The following ABCB6 variants were observed in gnomAD, a reference collection of about 807,000 sequenced individuals.
ABCB6 encodes the protein ATP-binding cassette sub-family B member 6.
In ABCB6, 87 loss-of-function variants were observed where a neutral mutation model predicts 99.4. The ratio of observed to expected loss-of-function variants is 0.88; its 90% CI spans 0.74 to 1.05. The LOEUF is 1.05. Among genes scored for constraint, ABCB6 ranks in the 50% least tolerant of loss-of-function variants. The probability of loss-of-function intolerance (pLI) is 0.00; values close to 1 mark genes in which losing one functional copy is unlikely to be tolerated. For synonymous variants in ABCB6, 482 were observed against 447.5 expected (o/e 1.08, Z -0.97); for missense variants, 1,050 against 1,097.9 (o/e 0.96, Z 0.62).
chr2:219,210,830 A>G lies in ABCB6; in HGVS notation c.2144-7T>C, dbSNP rs1240364281. 3 of 1,613,760 alleles carry G rather than the reference A, an allele frequency of 1.9e-6. No homozygotes were observed. Among genetic ancestry groups the G allele is most frequent in the South Asian group, 1.1e-5 (1 of 91,038 alleles). ...CCCACCTGTGTCCTGTACCCTGTGG[A>G]TATTACCCACCACACGTTTCTTACG... is the stretch of plus-strand genomic sequence containing the variant. On this transcript the variant is annotated splice_region_variant and splice_polypyrimidine_tract_variant and intron_variant, in intron 15 of 18. Transcript: ENST00000265316.
At position 219,218,766 on chromosome 2, in the gene ABCB6, T is replaced by G; in HGVS notation, c.-93A>C. 1 of 1,359,210 alleles carries G rather than the reference T, an allele frequency of 7.4e-7. No homozygotes were observed. The highest frequency in any genetic ancestry group is 9.7e-7 in the Non-Finnish European group (1 of 1,026,480). The allele number at this position is 1,359,210 out of a possible 1,614,324, so 84.2% of individuals were successfully genotyped here. ...AGAGGGGCGCGGACATCCGGGTGCCTTGGCTCACGTAGCCGCTGGGCGCCA... is the reference window on the plus strand; with the variant it reads ...AGAGGGGCGCGGACATCCGGGTGCCGTGGCTCACGTAGCCGCTGGGCGCCA... On this transcript the variant is annotated 5_prime_UTR_variant, in exon 1 of 19. Coordinates refer to ENST00000265316, the MANE Select transcript of ABCB6 (RefSeq NM_005689.4).
Position 219,218,821 on chromosome 2 carries a change from G to A in ABCB6, c.-148C>T. The A allele has an allele frequency of 1.1e-6, 1 of 887,110 alleles. No individual in the cohort carries two copies. Among genetic ancestry groups the A allele is most frequent in the Non-Finnish European group, 1.6e-6 (1 of 609,714 alleles). The allele number at this position is 887,110 out of a possible 1,614,324, so 55.0% of individuals were successfully genotyped here. ...GCGGGGGTCCCGGGAAGGGACGCAC[G>A]TGGACCAGGCCTCACCGCCCACTCC... On this transcript the variant is annotated 5_prime_UTR_variant, in exon 1 of 19. In the 5' UTR this introduces an upstream ATG that the reference lacks. Coordinates refer to ENST00000265316, the MANE Select transcript of ABCB6 (RefSeq NM_005689.4).
In ABCB6 at chr2:219,216,557, C is replaced by A; in HGVS notation, c.869-92G>T. The A allele has an allele frequency of 2.2e-5, 34 of 1,539,708 alleles. No homozygotes were observed. Among genetic ancestry groups the A allele is most frequent in the Non-Finnish European group, 2.7e-5 (31 of 1,133,060 alleles). On this transcript the variant is annotated intron_variant, in intron 3 of 18. Transcript: ENST00000265316. The surrounding 1 kb of genome is among the most constrained non-coding windows in gnomAD (Gnocchi z 4.2). ...GGTACCAGCCACAGTCTCTTTCTGA[C>A]CACCCAGCTCTGTCCCACCTCCCTA... is the stretch of plus-strand genomic sequence containing the variant.
chr2:219,214,024 G>T (rs1009261984), intron 8 of ABCB6, 73 bp from the exon 9 acceptor site: 15 of 1,612,484 alleles, frequency 9.3e-6, no homozygotes, highest in Non-Finnish European at 1.2e-5. Context: ...CTGGGCCCAG[G>T]CCCCTTCTAC....
In ABCB6 at chr2:219,210,947, C is replaced by T; in HGVS notation, c.2130G>A (p.Met710Ile). The T allele has an allele frequency of 6.2e-7, 1 of 1,614,174 alleles. No individual in the cohort carries two copies. The highest frequency in any genetic ancestry group is 1.3e-5 in the African/African-American group (1 of 75,036). ...AQAAGIHDAI[M>I]AFPEGYRTQV... is the part of the protein sequence containing the mutation. ...GGAATCTCTCACCTTCAGGGAAAGC[C>T]ATAATGGCATCATGGATGCCTGCAG... Residue 710 changes from methionine to isoleucine, a missense_variant, in exon 15 of 19, where the codon ATG (methionine) becomes ATA (isoleucine). By Grantham distance (10) the Met-to-Ile change is conservative. Coordinates refer to ENST00000265316, the MANE Select transcript of ABCB6 (RefSeq NM_005689.4).
At chr2:219,214,840 G>A (rs1950620390) in intron 6 of ABCB6, 121 bp downstream of exon 6, 1 of 1,169,332 alleles carries the variant, frequency 8.6e-7, no homozygotes, top group South Asian at 1.4e-5. Context: ...AGCACTAGGA[G>A]CCCATTCAAG....
At chr2:219,217,883 G>C in intron 1 of ABCB6, 76 bp from the exon 2 acceptor site, 1 of 1,548,424 alleles carries the variant, frequency 6.5e-7, no homozygotes, top group Non-Finnish European at 8.7e-7. Context: ...ATAGGGCCGG[G>C]GACTGGTGTC....
Position 219,218,516 on chromosome 2 carries a change from C to A in ABCB6, c.158G>T (p.Arg53Leu), listed in dbSNP as rs1322088559. 2 of 1,609,950 alleles carry A rather than the reference C, an allele frequency of 1.2e-6. No homozygotes were observed. Among genetic ancestry groups the A allele is most frequent in the Non-Finnish European group, 8.5e-7 (1 of 1,178,712 alleles). Residue 53 changes from arginine (R) to leucine (L), a missense_variant, in exon 1 of 19, where the codon CGG (arginine) becomes CTG (leucine). Transcript: ENST00000265316. ...CGAATCAGCACCAGCGGGCCGCTCCCGGCGTCTGCAGGGAAGAGCCAGCAC... is the reference window on the plus strand; with the variant it reads ...CGAATCAGCACCAGCGGGCCGCTCCAGGCGTCTGCAGGGAAGAGCCAGCAC... ...ALVLALPCRR[R>L]ERPAGADSLS...
Position 219,210,063 on chromosome 2 carries a change from A to C in ABCB6, c.2421-17T>G, listed in dbSNP as rs1175022094. On this transcript the variant is annotated splice_polypyrimidine_tract_variant and intron_variant, in intron 18 of 18. Coordinates refer to ENST00000265316, the MANE Select transcript of ABCB6 (RefSeq NM_005689.4). ...GCCTCGTGTCTGGGGTGAGGAGAAA[A>C]GTGTGAGTCCTAACCATTAGTTTTA... 9 of 1,611,796 alleles carry C rather than the reference A, an allele frequency of 5.6e-6. No homozygotes were observed. Among genetic ancestry groups the C allele is most frequent in the African/African-American group, 1.3e-5 (1 of 74,950 alleles).
At position 219,213,036 on chromosome 2, in the gene ABCB6, G is replaced by A. The variant is rs79512794; in HGVS notation, c.1835C>T (p.Thr612Ile). 5.0e-6 allele frequency: 8 copies of A among 1,613,948 alleles called. No individual in the cohort carries two copies. The African/African-American group carries it at 9.3e-5, about 19-fold the overall frequency. Residue 612 changes from threonine (T) to isoleucine (I), a missense_variant, in exon 13 of 19, where the codon ACT (threonine) becomes ATT (isoleucine). Thr to Ile is a moderately conservative substitution (Grantham distance 89, BLOSUM62 -1). Coordinates refer to ENST00000265316, the MANE Select transcript of ABCB6 (RefSeq NM_005689.4). ...GGCAAGTGTCTGTCCAGGCATCACAGTGAAAGACACGTCCTGCAGAGTCTC... is the reference window on the plus strand; with the variant it reads ...GGCAAGTGTCTGTCCAGGCATCACAATGAAAGACACGTCCTGCAGAGTCTC... ...GRETLQDVSF[T>I]VMPGQTLALV...
At chr2:219,214,089 A>G in intron 8 of ABCB6, 32 bp downstream of exon 8, 1 of 1,613,776 alleles carries the variant, frequency 6.2e-7, no homozygotes, top group Non-Finnish European at 8.5e-7. Flanking sequence ...CCAGGGCATT[A>G]TTCTCCGGAG....
In ABCB6 at chr2:219,213,883, G is replaced by T. The variant is rs370349438; in HGVS notation, c.1521C>A (p.Leu507=). The T allele has an allele frequency of 1.2e-6, 2 of 1,614,002 alleles. No individual in the cohort carries two copies. The highest frequency in any genetic ancestry group is 1.7e-6 in the Non-Finnish European group (2 of 1,180,050). ...AAAGCAGGGAGCCGGCGAGGAGCCC[G>T]AGCCCAATCACCAGGTTCTGGGTCT... ...LNQTQNLVIG[L]GLLAGSLLCA... is the part of the protein sequence containing the mutation. The change falls in exon 9 of 19, where the codon CTC becomes CTA. Residue 507 remains leucine (L), a synonymous_variant. Coordinates refer to ENST00000265316, the MANE Select transcript of ABCB6 (RefSeq NM_005689.4).
rs1207868129 is a variant in ABCB6 at position 219,213,954 on chromosome 2, G to A, written c.1453-3C>T. 3 of 1,613,882 alleles carry A rather than the reference G, an allele frequency of 1.9e-6. No individual in the cohort carries two copies. The highest frequency in any genetic ancestry group is 2.5e-6 in the Non-Finnish European group (3 of 1,180,020). The stretch of plus-strand genomic sequence containing the variant: ...GCGCTCGACTTCCACTCCAAACCCT[G>A]AGGGCAATAACACAGGAAGAGGAAT... On this transcript the variant is annotated splice_region_variant and splice_polypyrimidine_tract_variant and intron_variant, in intron 8 of 18. Coordinates refer to ENST00000265316, the MANE Select transcript of ABCB6 (RefSeq NM_005689.4).
chr2:219,213,447 C>T lies in ABCB6; in HGVS notation c.1711G>A (p.Glu571Lys). Residue 571 changes from glutamate to lysine, a missense_variant, in exon 11 of 19, where the codon GAG (glutamate) becomes AAG (lysine). Coordinates refer to ENST00000265316, the MANE Select transcript of ABCB6 (RefSeq NM_005689.4). ...MENMFDLLKEETEVKDLPGAG... is the reference protein window; with the variant it reads ...MENMFDLLKEKTEVKDLPGAG... ...CCTCTCCCTTCGCTCACTTCTGTCT[C>T]CTCTTTCAGCAAGTCAAACATGTTC... 1 of 1,614,238 alleles carries T rather than the reference C, an allele frequency of 6.2e-7. No individual in the cohort carries two copies. The highest frequency in any genetic ancestry group is 1.3e-5 in the African/African-American group (1 of 75,062).
In ABCB6 at chr2:219,218,144, C is replaced by G; in HGVS notation, c.530G>C (p.Arg177Thr). The G allele has an allele frequency of 6.2e-7, 1 of 1,608,830 alleles. No homozygotes were observed. The highest frequency in any genetic ancestry group is 8.5e-7 in the Non-Finnish European group (1 of 1,177,540). ...CCTCACCTGCTGGCCCAAGTCTGCC[C>G]TTGCCCACCACCACTGTGGGCTGTT... Reference protein sequence around the residue: ...SWNSPQWWWARADLGQQVQFS... With the variant: ...SWNSPQWWWATADLGQQVQFS... The change falls in exon 1 of 19, where the codon AGG becomes ACG. Residue 177 changes from arginine to threonine, a missense_variant. Arg to Thr is a moderately conservative substitution (Grantham distance 71, BLOSUM62 -1). Transcript: ENST00000265316.
At position 219,216,522 on chromosome 2, in the gene ABCB6, A is replaced by C. The variant is rs1481543735; in HGVS notation, c.869-57T>G. The C allele has an allele frequency of 3.8e-6, 6 of 1,582,472 alleles. No homozygotes were observed. In the East Asian group the frequency reaches 1.4e-4, roughly 36 times the overall value. On this transcript the variant is annotated intron_variant, in intron 3 of 18. Coordinates refer to ENST00000265316, the MANE Select transcript of ABCB6 (RefSeq NM_005689.4). The surrounding 1 kb of genome is among the most constrained non-coding windows in gnomAD (Gnocchi z 4.2). The stretch of plus-strand genomic sequence containing the variant: ...GGCGCCCAGGACTCTCTTCAGGCAA[A>C]ATGGCCCCAGGTACCAGCCACAGTC...
At chr2:219,215,932 C>T in intron 5 of ABCB6, 65 bp downstream of exon 5, 2 of 1,449,444 alleles carry the variant, frequency 1.4e-6, no homozygotes, top group Non-Finnish European at 1.8e-6. Flanking sequence ...CTCTTCCTCC[C>T]ACGGGCCCCT....
intron 5 of ABCB6, 81 bp downstream of exon 5, chr2:219,215,916 T>C (rs1333062089): frequency 1.4e-5 from 19 of 1,384,534 alleles, no homozygotes; most frequent in Non-Finnish European, 9.5e-7. Flanking sequence ...TCAGGCGGGG[T>C]CTGTTCTCTT....
In ABCB6 at chr2:219,216,086, C is replaced by T; in HGVS notation, c.1065G>A (p.Glu355=). 6.3e-7 allele frequency: 1 copy of T among 1,593,096 alleles called. No individual in the cohort carries two copies. Among genetic ancestry groups the T allele is most frequent in the African/African-American group, 1.3e-5 (1 of 74,642 alleles). Residue 355 remains glutamate, a synonymous_variant, in exon 5 of 19, where the codon GAG becomes GAA. Coordinates refer to ENST00000265316, the MANE Select transcript of ABCB6 (RefSeq NM_005689.4). This position sits in a 1 kb window ranked among gnomAD's most constrained non-coding sequence, Gnocchi z 4.2. ...VELLIFSHLH[E]LSLRWHLGRR... ...GCCCCAGGTGCCAGCGCAGTGAGAG[C>T]TCGTGCAGGTGGGAGAAGATGAGCA...
Sources: allele counts gnomAD v4.1 joint callset, GRCh38; gene constraint gnomAD v4.1.1; non-coding constraint Gnocchi (gnomAD v3.1); transcripts MANE v1.5; gene names NCBI Gene and HGNC (gene_info 2026-07-23, HGNC 2026-07-21).